CADPS: variants seen among roughly 807,000 people sequenced by gnomAD.
The protein encoded by CADPS is calcium-dependent secretion activator 1.
In CADPS, 57 loss-of-function variants were observed where a neutral mutation model predicts 167.3. That is an observed-to-expected ratio of 0.34 (90% CI 0.28 to 0.42). CADPS has a LOEUF of 0.42. Among genes scored for constraint, CADPS ranks in the 20% least tolerant of loss-of-function variants. The pLI is 1.00. For synonymous variants in CADPS, 676 were observed against 635.3 expected (o/e 1.06, Z -0.96); for missense variants, 1,414 against 1,738.1 (o/e 0.81, Z 3.32).
chr3:62,475,899 G>A (rs886785284), intron 23 of CADPS, among the ~76,000 whole-genome samples: 5 of 152,120 alleles, frequency 3.3e-5, no homozygotes, highest in South Asian at 2.1e-4. Flanking sequence ...TGAAGTAATC[G>A]TCTTCAGTTT....
chr3:62,457,532 G>T (rs2058835401), intron 26 of CADPS, among the ~76,000 whole-genome samples: 2 of 152,152 alleles, frequency 1.3e-5, no homozygotes, highest in South Asian at 4.1e-4. Context: ...AATGGAATAT[G>T]ACTTTGATGA....
At position 62,592,725 on chromosome 3, in the gene CADPS, G is replaced by A. The variant is rs2086330189; in HGVS notation, c.1349C>T (p.Ser450Phe). 1 of 1,614,096 alleles carries A rather than the reference G, an allele frequency of 6.2e-7. No homozygotes were observed. Among genetic ancestry groups the A allele is most frequent in the Non-Finnish European group, 8.5e-7 (1 of 1,179,936 alleles). Residue 450 changes from serine to phenylalanine, a missense_variant, in exon 7 of 30, where the codon TCC becomes TTC. Physicochemically the swap from Ser to Phe is radical, Grantham distance 155. This residue lies in a region of CADPS where 157 missense variants were observed against 229.4 expected (regional missense o/e 0.68). Coordinates refer to ENST00000383710, the MANE Select transcript of CADPS (RefSeq NM_003716.4). ...KPTWGTQGDFSTTHALPAVKV... is the reference protein window; with the variant it reads ...KPTWGTQGDFFTTHALPAVKV... ...CACAGCTGGCAGTGCATGGGTTGTG[G>A]AGAAGTCACCCTGGGTGCCCCAGCT...
At chr3:62,714,730 C>G (rs1445615219) in intron 3 of CADPS, among the ~76,000 whole-genome samples, 3 of 152,026 alleles carry the variant, frequency 2.0e-5, no homozygotes, top group Non-Finnish European at 4.4e-5. Flanking sequence ...TGCCTAGGAG[C>G]AAAATATTAC....
intron 13 of CADPS, among the ~76,000 whole-genome samples, chr3:62,521,021 A>G (rs958098351): frequency 1.2e-4 from 18 of 152,190 alleles, no homozygotes; most frequent in African/African-American, 3.4e-4. Flanking sequence ...AAGCAACAGC[A>G]TACTTTTTCT....
At chr3:62,603,722 C>T (rs527858694) in intron 6 of CADPS, among the ~76,000 whole-genome samples, 96 of 152,282 alleles carry the variant, frequency 6.3e-4, no homozygotes, top group Middle Eastern at 3.4e-3. Context: ...TGCACTTTTT[C>T]CATTAGAACT....
rs997440269 is a variant in CADPS, at chr3:62,465,669, A to G, written c.3553-219T>C. 1.3e-5 allele frequency among the ~76,000 whole-genome samples: 2 copies of G among 152,212 alleles called. No individual in the cohort carries two copies. The highest frequency in any genetic ancestry group is 2.4e-5 in the African/African-American group (1 of 41,464). On this transcript the variant is annotated intron_variant, in intron 25 of 29. Transcript: ENST00000383710. The surrounding 1 kb of genome is among the most constrained non-coding windows in gnomAD (Gnocchi z 4.1). ...TCTTCATTATTATGTGATTGCAAAT[A>G]TAGAGTGTTACAGAAGTGCAAAGTG... is the stretch of plus-strand genomic sequence containing the variant.
At chr3:62,718,196 G>A (rs979208071) in intron 3 of CADPS, among the ~76,000 whole-genome samples, 3 of 151,990 alleles carry the variant, frequency 2.0e-5, no homozygotes, top group African/African-American at 7.3e-5. Context: ...CAGAATGAAA[G>A]CTCCCTAGTG....
chr3:62,654,064 T>C (rs1243169648), intron 4 of CADPS, among the ~76,000 whole-genome samples: 1 of 152,206 alleles, frequency 6.6e-6, no homozygotes, highest in Non-Finnish European at 1.5e-5. Context: ...TAAAACTTCC[T>C]GCACAGTGGC....
intron 2 of CADPS, among the ~76,000 whole-genome samples, chr3:62,756,492 G>C (rs998272310): frequency 1.3e-5 from 2 of 152,130 alleles, no homozygotes; most frequent in Non-Finnish European, 2.9e-5. Flanking sequence ...TTACTCTCTA[G>C]GTGGAAGACA....
At chr3:62,553,765 G>A (rs528133456) in intron 10 of CADPS, among the ~76,000 whole-genome samples, 1 of 152,320 alleles carries the variant, frequency 6.6e-6, no homozygotes, top group East Asian at 1.9e-4. Flanking sequence ...AGAGAACCAA[G>A]AGAGGAGAAA....
chr3:62,599,780 T>TATTG lies in CADPS; in HGVS notation c.1326-7033_1326-7032insCAAT, dbSNP rs1491429269. Among the ~76,000 whole-genome samples, 8 of 12,312 alleles carry TATTG rather than the reference T, an allele frequency of 6.5e-4. 1 individual carries two copies. The highest frequency in any genetic ancestry group is 3.1e-3 in the East Asian group (1 of 326). 8.1% of individuals were successfully genotyped at this position (12,312 alleles called of 152,430 possible). Reference sequence around the variant, plus strand: ...ATATATTGTATATATAATATATATATTATATATAATATATATAATATATAA... The same window carrying TATTG: ...ATATATTGTATATATAATATATATATATTGTATATATAATATATATAATATATAA... On this transcript the variant is annotated intron_variant, in intron 6 of 29. Transcript: ENST00000383710.
chr3:62,683,557 C>G (rs965368867), intron 3 of CADPS, among the ~76,000 whole-genome samples: 22 of 152,070 alleles, frequency 1.4e-4, no homozygotes, highest in African/African-American at 4.3e-4. Flanking sequence ...GTTAACATCT[C>G]ATGTTACCAT....
At chr3:62,571,011 A>G (rs1004031701) in intron 8 of CADPS, 73 bp from the exon 9 acceptor site, 1 of 1,016,850 alleles carries the variant, frequency 9.8e-7, no homozygotes, top group Non-Finnish European at 1.6e-6. Flanking sequence ...CTTTGCCGTG[A>G]AGCTTGGTAC....
At chr3:62,702,525 G>C (rs977978055) in intron 3 of CADPS, among the ~76,000 whole-genome samples, 6 of 152,030 alleles carry the variant, frequency 3.9e-5, no homozygotes, top group East Asian at 1.9e-4. Context: ...GGTGATGATG[G>C]GAACACAGAC....
chr3:62,808,698 C>T (rs771336421), intron 1 of CADPS, among the ~76,000 whole-genome samples: 3 of 152,068 alleles, frequency 2.0e-5, no homozygotes, highest in Non-Finnish European at 2.9e-5. Flanking sequence ...TGTCCTTTCT[C>T]TTTCGATGTT....
intron 8 of CADPS, among the ~76,000 whole-genome samples, chr3:62,580,239 T>A (rs938264161): frequency 6.6e-6 from 1 of 152,166 alleles, no homozygotes; most frequent in Non-Finnish European, 1.5e-5. Context: ...ATATACACCA[T>A]GGAATACTAT....
At chr3:62,763,918 G>T (rs1187884065) in intron 2 of CADPS, among the ~76,000 whole-genome samples, 2 of 152,140 alleles carry the variant, frequency 1.3e-5, no homozygotes, top group Non-Finnish European at 2.9e-5. Flanking sequence ...CAATAAACTA[G>T]CCACTACAGA....
chr3:62,735,298 C>G lies in CADPS; in HGVS notation c.888+18143G>C, dbSNP rs961902284. Reference sequence around the variant, plus strand: ...AAATAGTCAAAACACTACTATAGATCTGTTAAGTGTATGTATTTCAGTAAT... The same window carrying G: ...AAATAGTCAAAACACTACTATAGATGTGTTAAGTGTATGTATTTCAGTAAT... On this transcript the variant is annotated intron_variant, in intron 3 of 29. Coordinates refer to ENST00000383710, the MANE Select transcript of CADPS (RefSeq NM_003716.4). 2.0e-5 allele frequency among the ~76,000 whole-genome samples: 3 copies of G among 152,168 alleles called. No individual in the cohort carries two copies. In the South Asian group the frequency reaches 6.2e-4, roughly 32 times the overall value.
At chr3:62,560,425 A>G (rs1012425245) in intron 9 of CADPS, among the ~76,000 whole-genome samples, 1 of 152,240 alleles carries the variant, frequency 6.6e-6, no homozygotes, top group African/African-American at 2.4e-5. Context: ...GCACTGTTGT[A>G]ATAAAGGCAT....
Sources: allele counts gnomAD v4.1 joint callset (sites outside exome capture counted in the v4.1 genomes callset), GRCh38; gene constraint gnomAD v4.1.1; regional missense constraint gnomAD v4.1.1; non-coding constraint Gnocchi (gnomAD v3.1); transcripts MANE v1.5; gene names NCBI Gene and HGNC (gene_info 2026-07-23, HGNC 2026-07-21).